LHPP: variants seen among roughly 807,000 people sequenced by gnomAD.
LHPP encodes hLHPP.
Under a neutral mutation model 30.3 loss-of-function variants are expected in LHPP, and 24 were observed. The ratio of observed to expected loss-of-function variants is 0.79; its 90% confidence interval spans 0.57 to 1.11. The LOEUF (loss-of-function observed/expected upper bound fraction) is 1.11, where lower values mean the gene tolerates loss of function less well. Ranked by LOEUF, LHPP falls within the 50% of genes most tolerant of loss-of-function variation. The pLI is 0.00. For synonymous variants in LHPP, 150 were observed against 157.1 expected, an observed-to-expected ratio of 0.95 and a Z score of 0.34; for missense variants, 356 against 367.2, an observed-to-expected ratio of 0.97 and a Z score of 0.25.
chr10:124,574,561 C>T (rs1948633643), intron 6 of LHPP, among the ~76,000 whole-genome samples: 1 of 152,136 alleles, frequency 6.6e-6, no homozygotes, highest in Non-Finnish European at 1.5e-5. Flanking sequence ...CTGAACCCGG[C>T]ACCTGTGCTG....
rs35840555 is a variant in LHPP at position 124,553,449 on chromosome 10, C to CTTTTT, written c.716+36201_716+36205dup. 2.6e-4 allele frequency among the ~76,000 whole-genome samples: 16 copies of CTTTTT among 61,618 alleles called. 1 individual carries two copies. Among genetic ancestry groups the CTTTTT allele is most frequent in the Non-Finnish European group, 3.7e-4 (14 of 37,542 alleles). The allele number at this position is 61,618 out of a possible 152,430, so 40.4% of individuals were successfully genotyped here. On this transcript the variant is annotated intron_variant, in intron 6 of 6. Coordinates refer to ENST00000368842, the MANE Select transcript of LHPP (RefSeq NM_022126.4). Reference sequence around the variant, plus strand: ...CCATAGGGCCAGGATTACAGCCATTCTTTTTTTTTTTTTTTTTTTTTTTTT... The same window carrying CTTTTT: ...CCATAGGGCCAGGATTACAGCCATTCTTTTTTTTTTTTTTTTTTTTTTTTTTTTTT...
At chr10:124,480,502 G>A (rs1953089833) in intron 1 of LHPP, among the ~76,000 whole-genome samples, 1 of 152,174 alleles carries the variant, frequency 6.6e-6, no homozygotes, top group South Asian at 2.1e-4. Flanking sequence ...TCACTGTTCT[G>A]AGAAGGTCAC....
In LHPP at chr10:124,510,829, G is replaced by C. The variant is rs1954278748; in HGVS notation, c.625-6351G>C. Among the ~76,000 whole-genome samples the C allele has an allele frequency of 6.6e-6, 1 of 152,232 alleles. No homozygotes were observed. On this transcript the variant is annotated intron_variant, in intron 5 of 6. Transcript: ENST00000368842. The surrounding 1 kb of genome is among the most constrained non-coding windows in gnomAD (Gnocchi z 4.0). Reference sequence around the variant, plus strand: ...TTCACTGCTGACCTCACGGTTTGAAGACAATTCCTTGAGAAGGGCAGAGGG... The same window carrying C: ...TTCACTGCTGACCTCACGGTTTGAACACAATTCCTTGAGAAGGGCAGAGGG...
At position 124,593,776 on chromosome 10, in the gene LHPP, G is replaced by A. The variant is rs111464442; in HGVS notation, c.717-19488G>A. Reference sequence around the variant, plus strand: ...CGCGTTTGACGCAGGAGGTTTTGCCGGCGCCAGGGGCTCCCTCGGCTGACC... The same window carrying A: ...CGCGTTTGACGCAGGAGGTTTTGCCAGCGCCAGGGGCTCCCTCGGCTGACC... On this transcript the variant is annotated intron_variant, in intron 6 of 6. Transcript: ENST00000368842. The surrounding 1 kb of genome is among the most constrained non-coding windows in gnomAD (Gnocchi z 4.9). Among the ~76,000 whole-genome samples, 3,139 of 152,362 alleles carry A rather than the reference G, an allele frequency of 0.021. 115 individuals are homozygous for A. The highest frequency in any genetic ancestry group is 0.071 in the African/African-American group (2,964 of 41,576).
intron 6 of LHPP, among the ~76,000 whole-genome samples, chr10:124,591,095 G>C (rs557912567): frequency 6.6e-6 from 1 of 152,342 alleles, no homozygotes; most frequent in Admixed American, 6.5e-5. Context: ...CGGGGGGAAG[G>C]GGGCACCGCG....
intron 5 of LHPP, among the ~76,000 whole-genome samples, chr10:124,515,850 T>A (rs904531544): frequency 5.9e-5 from 9 of 152,194 alleles, no homozygotes; most frequent in Non-Finnish European, 1.2e-4. Context: ...CCTAGTTATT[T>A]GGTGTGATTC....
intron 6 of LHPP, among the ~76,000 whole-genome samples, chr10:124,543,562 C>T (rs1955257408): frequency 6.7e-6 from 1 of 149,380 alleles, no homozygotes; most frequent in African/African-American, 2.6e-5. Context: ...TTCTAGGTTG[C>T]CAGGGCCACT....
Position 124,485,682 on chromosome 10 carries a change from C to T in LHPP, c.313+1356C>T, listed in dbSNP as rs536193994. Reference sequence around the variant, plus strand: ...GTGGTGTGATCTTGGCTTCCTGTGACTTCCGCTTCCCTGGTTCAAGCGATT... The same window carrying T: ...GTGGTGTGATCTTGGCTTCCTGTGATTTCCGCTTCCCTGGTTCAAGCGATT... On this transcript the variant is annotated intron_variant, in intron 2 of 6. Transcript: ENST00000368842. 1.3e-3 allele frequency among the ~76,000 whole-genome samples: 199 copies of T among 152,088 alleles called. 2 individuals are homozygous for T. The highest frequency in any genetic ancestry group is 1.6e-3 in the Non-Finnish European group (107 of 67,986).
At chr10:124,486,664 C>T (rs1953336321) in intron 2 of LHPP, among the ~76,000 whole-genome samples, 1 of 152,234 alleles carries the variant, frequency 6.6e-6, no homozygotes, top group Admixed American at 6.5e-5. Flanking sequence ...CCTCAGTGTC[C>T]AGGGTTTTTG....
At chr10:124,549,248 C>A (rs1955422317) in intron 6 of LHPP, among the ~76,000 whole-genome samples, 1 of 152,048 alleles carries the variant, frequency 6.6e-6, no homozygotes, top group South Asian at 2.1e-4. Context: ...CCAGCCTGGG[C>A]AACATAGTGA....
intron 1 of LHPP, among the ~76,000 whole-genome samples, chr10:124,462,794 T>G (rs1374110436): frequency 1.3e-5 from 2 of 152,162 alleles, no homozygotes; most frequent in Non-Finnish European, 2.9e-5. Flanking sequence ...GCCTCCCGGG[T>G]GCAAGTGATT....
At chr10:124,607,198 T>C (rs1564851327) in intron 6 of LHPP, among the ~76,000 whole-genome samples, 1 of 152,212 alleles carries the variant, frequency 6.6e-6, no homozygotes. Context: ...TCAGCTTTTG[T>C]ACCGTGACAT....
chr10:124,533,143 G>T (rs1450319417), intron 6 of LHPP, among the ~76,000 whole-genome samples: 1 of 152,192 alleles, frequency 6.6e-6, no homozygotes, highest in Non-Finnish European at 1.5e-5. Flanking sequence ...CACGGCCTGG[G>T]GTTGTCAGCC....
rs1953041084 is a variant in LHPP, at chr10:124,478,933, G to T, written c.126-5206G>T. ...AAAATATAAAAATTAGCCGGGCATG[G>T]TGGTGGGCACCTGTAATCCCAGCTA... On this transcript the variant is annotated intron_variant, in intron 1 of 6. Coordinates refer to ENST00000368842, the MANE Select transcript of LHPP (RefSeq NM_022126.4). This position sits in a 1 kb window ranked among gnomAD's most constrained non-coding sequence, Gnocchi z 4.7. Among the ~76,000 whole-genome samples, 1 of 152,186 alleles carries T rather than the reference G, an allele frequency of 6.6e-6. No homozygotes were observed. Among genetic ancestry groups the T allele is most frequent in the Non-Finnish European group, 1.5e-5 (1 of 68,024 alleles).
rs1360829830 is a variant in LHPP at position 124,593,878 on chromosome 10, G to A, written c.717-19386G>A. The stretch of plus-strand genomic sequence containing the variant: ...CATTTGCCATGCCTGCCCTGCTTGG[G>A]TATTTGGCCCCAGGGCCAGGGCTGT... On this transcript the variant is annotated intron_variant, in intron 6 of 6. Coordinates refer to ENST00000368842, the MANE Select transcript of LHPP (RefSeq NM_022126.4). The surrounding 1 kb of genome is among the most constrained non-coding windows in gnomAD (Gnocchi z 4.9). Among the ~76,000 whole-genome samples the A allele has an allele frequency of 6.6e-6, 1 of 152,250 alleles. No homozygotes were observed. The highest frequency in any genetic ancestry group is 2.4e-5 in the African/African-American group (1 of 41,468).
At chr10:124,488,216 A>G (rs909515112) in intron 2 of LHPP, among the ~76,000 whole-genome samples, 4 of 152,064 alleles carry the variant, frequency 2.6e-5, no homozygotes, top group African/African-American at 9.7e-5. Flanking sequence ...TTCTCCTCAT[A>G]AGCCCTCTCT....
intron 6 of LHPP, among the ~76,000 whole-genome samples, chr10:124,544,059 G>A (rs142323516): frequency 0.012 from 1,805 of 152,326 alleles, 43 homozygotes; most frequent in African/African-American, 0.041. Flanking sequence ...CCCTGGCCTC[G>A]CAGCCAAGCC....
chr10:124,485,387 G>T (rs958742057), intron 2 of LHPP, among the ~76,000 whole-genome samples: 1 of 152,014 alleles, frequency 6.6e-6, no homozygotes, highest in African/African-American at 2.4e-5. Flanking sequence ...GCCTTGGCCA[G>T]TGAATCAGAC....
In LHPP at chr10:124,461,972, T is replaced by A. The variant is rs757233248; in HGVS notation, c.110T>A (p.Val37Glu). The A allele has an allele frequency of 8.2e-7, 1 of 1,219,224 alleles. No homozygotes were observed. Among genetic ancestry groups the A allele is most frequent in the Admixed American group, 4.3e-5 (1 of 23,048 alleles). 75.5% of individuals were successfully genotyped at this position (1,219,224 alleles called of 1,614,324 possible). A position where few individuals can be genotyped will look rare whatever the true frequency, so the allele number is the denominator to read the frequency against. ...GGCGGCACGGCCATCGCCGGCTCGG[T>A]GGAGGCGGTGGCCAGGTGAGTGGGC... ...AGGGTAIAGS[V>E]EAVARLKRSR... is the part of the protein sequence containing the mutation. Residue 37 changes from valine to glutamate, a missense_variant, in exon 1 of 7, where the codon GTG (valine) becomes GAG (glutamate). Physicochemically the swap from Val to Glu is moderately radical, Grantham distance 121 (BLOSUM62 -2). Coordinates refer to ENST00000368842, the MANE Select transcript of LHPP (RefSeq NM_022126.4).
Sources: allele counts gnomAD v4.1 joint callset (sites outside exome capture counted in the v4.1 genomes callset), GRCh38; gene constraint gnomAD v4.1.1; non-coding constraint Gnocchi (gnomAD v3.1); transcripts MANE v1.5; gene names NCBI Gene and HGNC (gene_info 2026-07-23, HGNC 2026-07-21).